SEPTIN14: variants seen among roughly 807,000 people sequenced by gnomAD.
SEPTIN14 encodes the protein septin 14.
Under a neutral mutation model 53.6 loss-of-function variants are expected in SEPTIN14, and 40 were observed. That is an observed-to-expected ratio of 0.75 (90% CI 0.58 to 0.97). SEPTIN14 has a LOEUF of 0.97. Among genes scored for constraint, SEPTIN14 ranks in the 50% least tolerant of loss-of-function variants. SEPTIN14 has a pLI of 0.00. For missense variants in SEPTIN14, 471 were observed against 508.2 expected (o/e 0.93, Z 0.70); for synonymous variants, 138 against 166.8 (o/e 0.83, Z 1.33).
chr7:55,806,382 T>C (rs1183201043), intron 8 of SEPTIN14, among the ~76,000 whole-genome samples: 2 of 152,134 alleles, frequency 1.3e-5, no homozygotes, highest in Non-Finnish European at 2.9e-5. Flanking sequence ...GCTTTTCAGC[T>C]GGTTCCTCCA....
chr7:55,834,535 A>T lies in SEPTIN14; in HGVS notation c.610T>A (p.Leu204Ile), dbSNP rs754396330. 7 of 1,611,238 alleles carry T rather than the reference A, an allele frequency of 4.3e-6. No homozygotes were observed. The highest frequency in any genetic ancestry group is 5.9e-6 in the Non-Finnish European group (7 of 1,177,642). ...AKADTISKND[L>I]QTFKNKIMSE... The stretch of plus-strand genomic sequence containing the variant: ...ATTATCTTATTCTTAAACGTCTGTA[A>T]ATCATTTTTAGAAATAGTGTCTGCT... The change falls in exon 6 of 10, where the codon TTA becomes ATA. Residue 204 changes from leucine (L) to isoleucine (I), a missense_variant. Physicochemically the swap from Leu to Ile is conservative, Grantham distance 5. Transcript: ENST00000388975.
intron 6 of SEPTIN14, among the ~76,000 whole-genome samples, chr7:55,825,824 C>T (rs561205546): frequency 9.9e-5 from 15 of 151,982 alleles, no homozygotes; most frequent in Non-Finnish European, 1.6e-4. Context: ...AAAAATTGGC[C>T]GGGCATGGTG....
At chr7:55,848,606 G>T (rs1789463930) in intron 2 of SEPTIN14, among the ~76,000 whole-genome samples, 2 of 126,960 alleles carry the variant, frequency 1.6e-5, no homozygotes, top group East Asian at 2.8e-4. Context: ...TACTAACAGA[G>T]ATTTTTTTTT....
At chr7:55,841,853 C>CA (rs58433679) in intron 5 of SEPTIN14, among the ~76,000 whole-genome samples, 14,643 of 73,066 alleles carry the variant, frequency 0.2, 1,237 homozygotes, top group Non-Finnish European at 0.27. Flanking sequence ...GAAACTCCGC[C>CA]AAAAAAAAAA....
At chr7:55,840,836 T>C (rs1227793816) in intron 5 of SEPTIN14, among the ~76,000 whole-genome samples, 2 of 152,114 alleles carry the variant, frequency 1.3e-5, no homozygotes, top group African/African-American at 4.8e-5. Flanking sequence ...GGGCCACACA[T>C]ATGATGTTGT....
chr7:55,850,166 T>C lies in SEPTIN14; in HGVS notation c.55-3529A>G, dbSNP rs117991197. Among the ~76,000 whole-genome samples the C allele has an allele frequency of 3.6e-3, 543 of 152,190 alleles. 9 individuals carry two copies. Among genetic ancestry groups the C allele is most frequent in the Admixed American group, 0.025 (384 of 15,276 alleles). ...CCAATGTATTTTATGAAACCAGATA[T>C]AATGGCAATATAAACACCTGACAGG... On this transcript the variant is annotated intron_variant, in intron 2 of 9. Transcript: ENST00000388975.
chr7:55,846,913 C>T (rs1207235449), intron 2 of SEPTIN14, among the ~76,000 whole-genome samples: 1 of 152,034 alleles, frequency 6.6e-6, no homozygotes, highest in Non-Finnish European at 1.5e-5. Flanking sequence ...AGGGGACAGG[C>T]ACGGTGGCTC....
chr7:55,858,005 C>T (rs1789675148), intron 2 of SEPTIN14, among the ~76,000 whole-genome samples: 1 of 152,218 alleles, frequency 6.6e-6, no homozygotes, highest in Non-Finnish European at 1.5e-5. Flanking sequence ...AAATATCTCT[C>T]TCAAGTTACA....
intron 2 of SEPTIN14, among the ~76,000 whole-genome samples, chr7:55,859,209 T>C (rs2116087318): frequency 6.6e-6 from 1 of 152,270 alleles, no homozygotes; most frequent in African/African-American, 2.4e-5. Flanking sequence ...CCCTATGTTA[T>C]CTTCTCAGAG....
At chr7:55,838,389 G>A (rs1328199264) in intron 5 of SEPTIN14, among the ~76,000 whole-genome samples, 1 of 152,106 alleles carries the variant, frequency 6.6e-6, no homozygotes, top group Non-Finnish European at 1.5e-5. Flanking sequence ...TTATTTCACA[G>A]TATCATATAG....
At chr7:55,822,979 G>A (rs533601807) in intron 6 of SEPTIN14, among the ~76,000 whole-genome samples, 25 of 152,146 alleles carry the variant, frequency 1.6e-4, no homozygotes, top group Admixed American at 3.9e-4. Flanking sequence ...GCAGACCCTC[G>A]GCTGATACAA....
intron 7 of SEPTIN14, among the ~76,000 whole-genome samples, chr7:55,814,461 A>G (rs993024137): frequency 1.3e-5 from 2 of 152,218 alleles, no homozygotes; most frequent in Non-Finnish European, 2.9e-5. Flanking sequence ...GAAATTCAAG[A>G]TAACACAGAG....
intron 9 of SEPTIN14, among the ~76,000 whole-genome samples, chr7:55,801,583 C>T (rs181108941): frequency 7.2e-5 from 11 of 152,116 alleles, no homozygotes; most frequent in Admixed American, 4.6e-4. Flanking sequence ...AAGAAAAGGC[C>T]GTACTAGGTG....
At position 55,805,396 on chromosome 7, in the gene SEPTIN14, G is replaced by A. The variant is rs1261107192; in HGVS notation, c.987-6C>T. 3 of 1,557,038 alleles carry A rather than the reference G, an allele frequency of 1.9e-6. No individual in the cohort carries two copies. The highest frequency in any genetic ancestry group is 2.6e-6 in the Non-Finnish European group (3 of 1,148,446). Reference sequence around the variant, plus strand: ...CTTCAAAGATTTCTTGAAAACTAAAGAGAAATGTTTTCTTAGTCTTATATT... The same window carrying A: ...CTTCAAAGATTTCTTGAAAACTAAAAAGAAATGTTTTCTTAGTCTTATATT... On this transcript the variant is annotated splice_region_variant and splice_polypyrimidine_tract_variant and intron_variant, in intron 8 of 9. Transcript: ENST00000388975.
rs6946378 is a variant in SEPTIN14, at chr7:55,834,692, G to C, written c.559-106C>G. 4,598 of 812,246 alleles carry C rather than the reference G, an allele frequency of 5.7e-3. 43 individuals are homozygous for C. The highest frequency in any genetic ancestry group is 0.031 in the African/African-American group (1,787 of 57,604). 50.3% of individuals were successfully genotyped at this position (812,246 alleles called of 1,614,324 possible). A position where few individuals can be genotyped will look rare whatever the true frequency, so the allele number is the denominator to read the frequency against. ...GAGTCTCGCTTTGTCGCCCAGGCTGGAGTGCAGGGGCACGATCTCGGCTCA... is the reference window on the plus strand; with the variant it reads ...GAGTCTCGCTTTGTCGCCCAGGCTGCAGTGCAGGGGCACGATCTCGGCTCA... On this transcript the variant is annotated intron_variant, in intron 5 of 9. Coordinates refer to ENST00000388975, the MANE Select transcript of SEPTIN14 (RefSeq NM_207366.3).
chr7:55,846,639 T>C lies in SEPTIN14; in HGVS notation c.55-2A>G. On this transcript the variant is annotated splice_acceptor_variant, in intron 2 of 9. Transcript: ENST00000388975. LOFTEE classifies it high-confidence loss of function. ...ACAACGAATATTATTTTCTTTTTGC[T>C]TAAATAAAACAAAAATTTAGAGTTT... is the stretch of plus-strand genomic sequence containing the variant. 1 of 1,448,066 alleles carries C rather than the reference T, an allele frequency of 6.9e-7. No homozygotes were observed. The highest frequency in any genetic ancestry group is 9.6e-7 in the Non-Finnish European group (1 of 1,046,924). 89.7% of individuals were successfully genotyped at this position (1,448,066 alleles called of 1,614,324 possible).
intron 4 of SEPTIN14, among the ~76,000 whole-genome samples, 161 bp from the exon 5 acceptor site, chr7:55,843,289 A>G (rs1252170419): frequency 2.0e-5 from 3 of 152,224 alleles, no homozygotes; most frequent in Non-Finnish European, 4.4e-5. Context: ...CTAAACCAAT[A>G]ATAAGGCTCA....
chr7:55,819,323 C>T (rs1584257629), intron 6 of SEPTIN14, 100 bp from the exon 7 acceptor site: 2 of 853,834 alleles, frequency 2.3e-6, no homozygotes, highest in Non-Finnish European at 1.9e-6. Flanking sequence ...AGCGCGGTGG[C>T]TCATGCCTGT....
intron 2 of SEPTIN14, among the ~76,000 whole-genome samples, chr7:55,852,323 C>G (rs1167732908): frequency 3.3e-5 from 5 of 152,048 alleles, no homozygotes; most frequent in African/African-American, 1.2e-4. Flanking sequence ...CAGCATGGTA[C>G]TGGCATGAAA....
Sources: gnomAD v4.1 joint callset for allele counts (sites outside exome capture counted in the v4.1 genomes callset) on GRCh38, gnomAD v4.1.1 for gene constraint, MANE v1.5 for transcripts, NCBI Gene and HGNC (gene_info 2026-07-23, HGNC 2026-07-21) for gene names.